ROCK2: variants seen among roughly 807,000 people sequenced by gnomAD.
ROCK2 encodes rho-associated protein kinase 2.
In ROCK2, 61 loss-of-function variants were observed where a neutral mutation model predicts 195.1. The ratio of observed to expected loss-of-function variants is 0.31; its 90% CI spans 0.25 to 0.39. The LOEUF (loss-of-function observed/expected upper bound fraction) is 0.39, where lower values mean the gene tolerates loss of function less well. Among genes scored for constraint, ROCK2 ranks in the 10% least tolerant of loss-of-function variants. The pLI is 1.00. For missense variants in ROCK2, 1,109 were observed against 1,637.4 expected, an observed-to-expected ratio of 0.68 and a Z score of 5.57; for synonymous variants, 504 against 545.5, an observed-to-expected ratio of 0.92 and a Z score of 1.06.
At chr2:11,294,805 C>G (rs1246346637) in intron 1 of ROCK2, among the ~76,000 whole-genome samples, 1 of 151,732 alleles carries the variant, frequency 6.6e-6, no homozygotes, top group East Asian at 1.9e-4. Flanking sequence ...TGAGACAGAG[C>G]CTTGCTCTGT....
chr2:11,340,827 C>A (rs1669079673), intron 1 of ROCK2, among the ~76,000 whole-genome samples: 1 of 152,140 alleles, frequency 6.6e-6, no homozygotes, highest in South Asian at 2.1e-4. Flanking sequence ...CCCATCCACA[C>A]AAGTCTTAAG....
At chr2:11,286,172 T>G (rs1167232290) in intron 3 of ROCK2, among the ~76,000 whole-genome samples, 1 of 148,280 alleles carries the variant, frequency 6.7e-6, no homozygotes, top group East Asian at 2.0e-4. Flanking sequence ...ATTTCAGATT[T>G]AATTTCAGTT....
At chr2:11,234,667 C>T (rs565889212) in intron 5 of ROCK2, 1 of 151,778 alleles carries the variant, frequency 6.6e-6, no homozygotes, top group African/African-American at 2.4e-5. Context: ...CAAAAATGGC[C>T]CATAAAGTAT....
At chr2:11,211,926 G>C (rs1395647578) in intron 17 of ROCK2, 86 bp from the exon 18 acceptor site, 1 of 960,132 alleles carries the variant, frequency 1.0e-6, no homozygotes, top group Non-Finnish European at 1.5e-6. Context: ...TTTTTTTTGA[G>C]ACAGAGTCTT....
At chr2:11,198,814 T>C (rs1663737498) in intron 23 of ROCK2, 40 bp from the exon 24 acceptor site, 1 of 1,108,468 alleles carries the variant, frequency 9.0e-7, no homozygotes, top group Non-Finnish European at 1.3e-6. Flanking sequence ...CATCCCAATT[T>C]ACACAATTTA....
In ROCK2 at chr2:11,215,627, C is replaced by T. The variant is rs1392405999; in HGVS notation, c.1480G>A (p.Val494Met). ...LEEEITLRKS[V>M]ESALRQLERE... ...TCTAACTGTCTTAATGCTGATTCCA[C>T]ACTTTTCCGTAAGGTAATCTGAAAT... Residue 494 changes from valine (V) to methionine (M), a missense_variant, in exon 14 of 33, where the codon GTG (valine) becomes ATG (methionine). Physicochemically the swap from Val to Met is conservative, Grantham distance 21. This residue lies in a region of ROCK2 where 542 missense variants were observed against 672.0 expected (regional missense o/e 0.81). Transcript: ENST00000315872. The T allele has an allele frequency of 6.2e-7, 1 of 1,607,222 alleles. No individual in the cohort carries two copies. Among genetic ancestry groups the T allele is most frequent in the Admixed American group, 1.7e-5 (1 of 58,596 alleles).
At chr2:11,196,903 A>C (rs987405329) in intron 27 of ROCK2, among the ~76,000 whole-genome samples, 1 of 152,220 alleles carries the variant, frequency 6.6e-6, no homozygotes, top group Non-Finnish European at 1.5e-5. Context: ...ATGCAGAAAG[A>C]AGAGAAAATG....
At chr2:11,250,714 A>G (rs1665802140) in intron 3 of ROCK2, among the ~76,000 whole-genome samples, 2 of 152,198 alleles carry the variant, frequency 1.3e-5, no homozygotes, top group South Asian at 2.1e-4. Flanking sequence ...TATCAAATTT[A>G]TCAGCAAATC....
chr2:11,308,532 T>A, intron 1 of ROCK2: 1 of 1,544,928 alleles, frequency 6.5e-7, no homozygotes, highest in Non-Finnish European at 8.9e-7. Flanking sequence ...TTACTCACTA[T>A]CAGAATTGAG....
At chr2:11,268,684 A>G (rs1666514490) in intron 3 of ROCK2, among the ~76,000 whole-genome samples, 1 of 152,114 alleles carries the variant, frequency 6.6e-6, no homozygotes, top group South Asian at 2.1e-4. Flanking sequence ...GTATGTGACA[A>G]ATCACTTCTC....
chr2:11,237,084 G>A (rs1482612502), intron 4 of ROCK2, among the ~76,000 whole-genome samples: 8 of 152,254 alleles, frequency 5.3e-5, no homozygotes, highest in Non-Finnish European at 8.8e-5. Context: ...CCCCGGAGGC[G>A]GAGGTTGCAG....
chr2:11,260,537 G>A (rs1666191696), intron 3 of ROCK2, among the ~76,000 whole-genome samples: 1 of 149,026 alleles, frequency 6.7e-6, no homozygotes, highest in Non-Finnish European at 1.5e-5. Context: ...CTTACTTTAA[G>A]AACAAATCAA....
intron 1 of ROCK2, among the ~76,000 whole-genome samples, chr2:11,304,931 A>G (rs1362842896): frequency 6.6e-6 from 1 of 152,250 alleles, no homozygotes; most frequent in Non-Finnish European, 1.5e-5. Flanking sequence ...AATTCAGCCA[A>G]TTAGTTACTA....
intron 1 of ROCK2, among the ~76,000 whole-genome samples, chr2:11,296,000 AGAGAG>A (rs1312966765): frequency 4.1e-3 from 94 of 22,908 alleles, no homozygotes; most frequent in African/African-American, 0.011. Flanking sequence ...GGAGAGAGAG[AGAGAG>A]GAGAGAGAGA....
intron 1 of ROCK2, among the ~76,000 whole-genome samples, chr2:11,329,432 T>G (rs182462121): frequency 6.7e-6 from 1 of 148,526 alleles, no homozygotes; most frequent in East Asian, 2.0e-4. Context: ...AGACAAAACT[T>G]CCCTATACTA....
chr2:11,325,996 T>C (rs571021627), intron 1 of ROCK2, among the ~76,000 whole-genome samples: 1 of 152,158 alleles, frequency 6.6e-6, no homozygotes, highest in East Asian at 1.9e-4. Flanking sequence ...AATCACTGAA[T>C]CTAAAACCAA....
At chr2:11,307,891 C>G in intron 1 of ROCK2, 2 of 1,166,844 alleles carry the variant, frequency 1.7e-6, no homozygotes, top group Non-Finnish European at 2.3e-6. Context: ...TGGGCGGCTC[C>G]TCGGTGGGTG....
chr2:11,216,877 C>T (rs1664449553), intron 12 of ROCK2, among the ~76,000 whole-genome samples: 2 of 152,150 alleles, frequency 1.3e-5, no homozygotes, highest in Admixed American at 6.5e-5. Context: ...GCACCCGCCA[C>T]CATGCCCAGC....
At chr2:11,330,849 G>T (rs1668715207) in intron 1 of ROCK2, among the ~76,000 whole-genome samples, 1 of 15,180 alleles carries the variant, frequency 6.6e-5, no homozygotes, top group Non-Finnish European at 1.7e-4. Flanking sequence ...GGAGGAGGAG[G>T]GGGAGGAAGA....
Sources: gnomAD v4.1 joint callset for allele counts (sites outside exome capture counted in the v4.1 genomes callset) on GRCh38, gnomAD v4.1.1 for gene constraint, gnomAD v4.1.1 regional missense constraint, MANE v1.5 for transcripts, NCBI Gene and HGNC (gene_info 2026-07-23, HGNC 2026-07-21) for gene names.